Variants in OXNAD1 observed in about 807,000 individuals in gnomAD.
OXNAD1 encodes the protein oxidoreductase NAD-binding domain-containing protein 1.
In OXNAD1, 34 loss-of-function variants were observed where a neutral mutation model predicts 32.9. The observed-to-expected ratio is 1.03, with a 90% confidence interval of 0.79 to 1.38. OXNAD1 has a LOEUF of 1.38. Among genes scored for constraint, OXNAD1 ranks in the 40% most tolerant of loss-of-function variants. OXNAD1 has a pLI of 0.00. For missense variants in OXNAD1, 407 were observed against 379.4 expected (o/e 1.07, Z -0.60); for synonymous variants, 134 against 135.2 (o/e 0.99, Z 0.06).
chr3:16,349,581 C>T (rs1277267414), exon 10 of OXNAD1: 1 of 152,174 alleles, frequency 6.6e-6, no homozygotes, highest in African/African-American at 2.4e-5. Context: ...AAATCATGCT[C>T]AAAGCAAGAA....
intron 9 of OXNAD1, among the ~76,000 whole-genome samples, chr3:16,332,838 T>C (rs77780891): frequency 1.5e-4 from 23 of 151,300 alleles, no homozygotes; most frequent in Non-Finnish European, 2.9e-4. Context: ...CATCGATTTA[T>C]CTACCTACCT....
Position 16,298,541 on chromosome 3 carries a change from G to A in OXNAD1, c.433-3085G>A, listed in dbSNP as rs2066961603. Among the ~76,000 whole-genome samples the A allele has an allele frequency of 6.6e-6, 1 of 152,140 alleles. No individual in the cohort carries two copies. The highest frequency in any genetic ancestry group is 1.5e-5 in the Non-Finnish European group (1 of 68,028). ...AGTGGGAGTTGCAAACAGCCTTTATGAAGTCAGATTTTTCTTGGAATCATT... is the reference window on the plus strand; with the variant it reads ...AGTGGGAGTTGCAAACAGCCTTTATAAAGTCAGATTTTTCTTGGAATCATT... On this transcript the variant is annotated intron_variant, in intron 6 of 8. Coordinates refer to ENST00000285083, the MANE Select transcript of OXNAD1 (RefSeq NM_138381.5). The surrounding 1 kb of genome is among the most constrained non-coding windows in gnomAD (Gnocchi z 5.1).
Position 16,302,369 on chromosome 3 carries a change from T to G in OXNAD1, c.676-271T>G, listed in dbSNP as rs752327737. Reference sequence around the variant, plus strand: ...AACTGTGGTCAGTGAAACTGCTGCTTAATTGCCAATGCTTGAGAAAAAGGA... The same window carrying G: ...AACTGTGGTCAGTGAAACTGCTGCTGAATTGCCAATGCTTGAGAAAAAGGA... On this transcript the variant is annotated intron_variant, in intron 7 of 8. Coordinates refer to ENST00000285083, the MANE Select transcript of OXNAD1 (RefSeq NM_138381.5). The surrounding 1 kb of genome is among the most constrained non-coding windows in gnomAD (Gnocchi z 4.2). Among the ~76,000 whole-genome samples, 55 of 152,178 alleles carry G rather than the reference T, an allele frequency of 3.6e-4. No homozygotes were observed. The highest frequency in any genetic ancestry group is 7.3e-4 in the Non-Finnish European group (50 of 68,030).
intron 9 of OXNAD1, among the ~76,000 whole-genome samples, chr3:16,332,091 G>A (rs375885730): frequency 2.0e-5 from 3 of 152,072 alleles, no homozygotes; most frequent in South Asian, 2.1e-4. Context: ...GTGCTTTGGT[G>A]TGGGTCTTTT....
intron 1 of OXNAD1, among the ~76,000 whole-genome samples, chr3:16,266,134 A>G (rs2064480832): frequency 6.6e-6 from 1 of 152,220 alleles, no homozygotes; most frequent in Non-Finnish European, 1.5e-5. Context: ...ACCTCTGGCA[A>G]CTGGATATTT....
At chr3:16,307,711 C>T (rs2067659268), downstream of OXNAD1, among the ~76,000 whole-genome samples, 1 of 148,346 alleles carries the variant, frequency 6.7e-6, no homozygotes, top group Non-Finnish European at 1.5e-5. Flanking sequence ...ATTTATTGTT[C>T]TCATTGGGTT....
intron 9 of OXNAD1, among the ~76,000 whole-genome samples, chr3:16,330,281 G>T (rs2070180742): frequency 6.6e-6 from 1 of 152,192 alleles, no homozygotes; most frequent in Non-Finnish European, 1.5e-5. Context: ...TATTTGGAAT[G>T]GTCTTGGCTT....
chr3:16,274,181 AAAAC>A (rs1313762970), intron 4 of OXNAD1, among the ~76,000 whole-genome samples: 1 of 151,444 alleles, frequency 6.6e-6, no homozygotes, highest in Admixed American at 6.6e-5. Flanking sequence ...AAAAAAAAAA[AAAAC>A]AAAAGATATC....
chr3:16,323,749 C>T (rs965184988), intron 9 of OXNAD1, among the ~76,000 whole-genome samples: 10 of 152,240 alleles, frequency 6.6e-5, no homozygotes, highest in African/African-American at 1.9e-4. Flanking sequence ...AATGTGGACA[C>T]ACTGGCTGCT....
At chr3:16,291,609 G>C (rs1428635163) in intron 5 of OXNAD1, among the ~76,000 whole-genome samples, 1 of 152,168 alleles carries the variant, frequency 6.6e-6, no homozygotes, top group East Asian at 1.9e-4. Context: ...CCATTGTATG[G>C]ATATGCCACA....
Position 16,290,958 on chromosome 3 carries a change from T to G in OXNAD1, c.291-3898T>G, listed in dbSNP as rs2066392287. Among the ~76,000 whole-genome samples, 1 of 152,216 alleles carries G rather than the reference T, an allele frequency of 6.6e-6. No homozygotes were observed. Among genetic ancestry groups the G allele is most frequent in the African/African-American group, 2.4e-5 (1 of 41,442 alleles). On this transcript the variant is annotated intron_variant, in intron 5 of 8. Coordinates refer to ENST00000285083, the MANE Select transcript of OXNAD1 (RefSeq NM_138381.5). The surrounding 1 kb of genome is among the most constrained non-coding windows in gnomAD (Gnocchi z 4.2). ...AACACCTAGATTGGATGTTTATGTT[T>G]CCCAGATATGGGGATGAGAATTTTT...
chr3:16,294,534 A>C (rs1440003399), intron 5 of OXNAD1, among the ~76,000 whole-genome samples: 1 of 152,140 alleles, frequency 6.6e-6, no homozygotes, highest in Non-Finnish European at 1.5e-5. Context: ...CTTTGTGGGA[A>C]GTTTTAAAAT....
At position 16,302,816 on chromosome 3, in the gene OXNAD1, C is replaced by T. The variant is rs535272171; in HGVS notation, c.784+68C>T. ...TTGATGGACACACCAGTTGGTTGAG[C>T]GTAGATGCTTTATTGTTGGAAGCTG... On this transcript the variant is annotated intron_variant, in intron 8 of 8. Coordinates refer to ENST00000285083, the MANE Select transcript of OXNAD1 (RefSeq NM_138381.5). The surrounding 1 kb of genome is among the most constrained non-coding windows in gnomAD (Gnocchi z 4.2). 3.1e-5 allele frequency: 36 copies of T among 1,178,280 alleles called. No homozygotes were observed. In the Middle Eastern group the frequency reaches 1.1e-3, roughly 37 times the overall value. 73.0% of individuals were successfully genotyped at this position (1,178,280 alleles called of 1,614,324 possible). A position where few individuals can be genotyped will look rare whatever the true frequency, so the allele number is the denominator to read the frequency against.
chr3:16,294,922 G>T lies in OXNAD1; in HGVS notation c.357G>T (p.Leu119=), dbSNP rs1330521553. The change falls in exon 6 of 9, where the codon CTG becomes CTT. Residue 119 remains leucine (L), a synonymous_variant. Transcript: ENST00000285083. Reference sequence around the variant, plus strand: ...TTTCAATATGCTCCAGTCCCAGACTGCTAGAACAAGAGAGAGTGATAGAAT... The same window carrying T: ...TTTCAATATGCTCCAGTCCCAGACTTCTAGAACAAGAGAGAGTGATAGAAT... ...GGFSICSSPR[L]LEQERVIELA... 1.2e-6 allele frequency: 2 copies of T among 1,613,488 alleles called. No homozygotes were observed. Among genetic ancestry groups the T allele is most frequent in the African/African-American group, 1.3e-5 (1 of 74,950 alleles).
rs978885241 is a variant in OXNAD1, at chr3:16,335,734, A to G, written c.*31-1378A>G. 2.3e-4 allele frequency among the ~76,000 whole-genome samples: 35 copies of G among 151,248 alleles called. No homozygotes were observed. The highest frequency in any genetic ancestry group is 8.3e-4 in the African/African-American group (34 of 41,130). ...CAACACACATGGCACACGTTTACCT[A>G]TGTAACAAGCCTGCATATCCTGCAC... On this transcript the variant is annotated intron_variant, in intron 9 of 9. Coordinates refer to the OXNAD1 transcript ENST00000435829. This position sits in a 1 kb window ranked among gnomAD's most constrained non-coding sequence, Gnocchi z 4.7.
At chr3:16,323,600 TC>T in intron 9 of OXNAD1, 1 of 582,662 alleles carries the variant, frequency 1.7e-6, no homozygotes, top group Non-Finnish European at 3.0e-6. Flanking sequence ...GCTCTACTCT[TC>T]CGCTCCCAGG....
At chr3:16,308,729 A>G (rs77144945), downstream of OXNAD1, among the ~76,000 whole-genome samples, 1,181 of 152,312 alleles carry the variant, frequency 7.8e-3, 9 homozygotes, top group Non-Finnish European at 0.012. This position sits in a 1 kb window ranked among gnomAD's most constrained non-coding sequence, Gnocchi z 4.4. Flanking sequence ...GTGCCCAGAA[A>G]TCCAAACTTT....
chr3:16,269,655 A>G (rs1022992150), intron 2 of OXNAD1, among the ~76,000 whole-genome samples: 7 of 152,236 alleles, frequency 4.6e-5, no homozygotes, highest in African/African-American at 1.4e-4. Context: ...CTAAAGCACC[A>G]TTGCTTAGGC....
intron 4 of OXNAD1, among the ~76,000 whole-genome samples, chr3:16,285,318 T>A (rs928101403): frequency 1.3e-5 from 2 of 152,210 alleles, no homozygotes; most frequent in Non-Finnish European, 2.9e-5. Flanking sequence ...GGGACGTTCA[T>A]TGACCTTGAC....
Sources: gnomAD v4.1 joint callset for allele counts (sites outside exome capture counted in the v4.1 genomes callset) on GRCh38, gnomAD v4.1.1 for gene constraint, Gnocchi (gnomAD v3.1) non-coding constraint, MANE v1.5 for transcripts, NCBI Gene and HGNC (gene_info 2026-07-23, HGNC 2026-07-21) for gene names.